The following LRRC7 variants were observed in gnomAD, a reference collection of about 807,000 sequenced individuals.
The protein encoded by LRRC7 is leucine rich repeat containing 7.
Under a neutral mutation model 175.7 loss-of-function variants are expected in LRRC7, and 23 were observed. The ratio of observed to expected loss-of-function variants is 0.13; its 90% CI spans 0.09 to 0.19. The LOEUF is 0.19. Ranked by LOEUF, LRRC7 falls within the 10% of genes least tolerant of loss-of-function variation. The pLI is 1.00. For synonymous variants in LRRC7, 685 were observed against 680.9 expected (o/e 1.01, Z -0.09); for missense variants, 1,354 against 1,904.7 (o/e 0.71, Z 5.38).
chr1:69,840,612 ACT>A (rs1681614675), intron 7 of LRRC7, among the ~76,000 whole-genome samples: 2 of 152,036 alleles, frequency 1.3e-5, no homozygotes, highest in Non-Finnish European at 2.9e-5. Flanking sequence ...ACTGATGGAG[ACT>A]CTTAGATGTA....
At chr1:69,578,509 A>C (rs1360118414) in intron 1 of LRRC7, among the ~76,000 whole-genome samples, 2 of 147,700 alleles carry the variant, frequency 1.4e-5, no homozygotes, top group African/African-American at 5.0e-5. Flanking sequence ...TTATTGCGGC[A>C]CTATTCACAA....
intron 1 of LRRC7, among the ~76,000 whole-genome samples, chr1:69,612,136 T>C (rs897628163): frequency 3.9e-5 from 6 of 152,076 alleles, no homozygotes; most frequent in South Asian, 2.1e-4. Context: ...CATTGACTTA[T>C]ATTGCATTAA....
intron 24 of LRRC7, among the ~76,000 whole-genome samples, chr1:70,083,881 C>A (rs1240244147): frequency 2.6e-5 from 4 of 152,254 alleles, no homozygotes; most frequent in South Asian, 2.1e-4. Flanking sequence ...TCTTAGTTGG[C>A]CGTAACCTCA....
intron 1 of LRRC7, among the ~76,000 whole-genome samples, chr1:69,586,829 T>C (rs1461626788): frequency 6.6e-6 from 1 of 151,726 alleles, no homozygotes; most frequent in African/African-American, 2.4e-5. Flanking sequence ...GTTGATTATT[T>C]AGCATCAAAA....
intron 7 of LRRC7, among the ~76,000 whole-genome samples, chr1:69,928,981 G>A (rs1647183857): frequency 6.6e-6 from 1 of 152,158 alleles, no homozygotes; most frequent in Non-Finnish European, 1.5e-5. Context: ...GTTCTTATTT[G>A]GCTTCCAGGA....
intron 1 of LRRC7, chr1:69,607,257 A>G (rs1647743931): frequency 6.6e-6 from 1 of 152,082 alleles, no homozygotes; most frequent in Non-Finnish European, 1.5e-5. Flanking sequence ...TTTGGAAGGC[A>G]AGTAAAAGTC....
chr1:69,923,185 T>C (rs1646948431), intron 7 of LRRC7, among the ~76,000 whole-genome samples: 1 of 152,208 alleles, frequency 6.6e-6, no homozygotes, highest in South Asian at 2.1e-4. Context: ...CCATGGTGTA[T>C]ATGTGCCACA....
chr1:69,837,589 G>A (rs1485497153), intron 6 of LRRC7, among the ~76,000 whole-genome samples: 2 of 151,666 alleles, frequency 1.3e-5, no homozygotes, highest in Non-Finnish European at 3.0e-5. Context: ...TTGCTTTTTA[G>A]TTTATTTATA....
At chr1:69,629,514 A>C (rs1052969309) in intron 1 of LRRC7, among the ~76,000 whole-genome samples, 38 of 152,258 alleles carry the variant, frequency 2.5e-4, no homozygotes, top group African/African-American at 8.7e-4. Context: ...TGCAACCTGC[A>C]CGTCTCCAAG....
chr1:70,091,589 A>G (rs1389245639), intron 25 of LRRC7, among the ~76,000 whole-genome samples: 1 of 152,158 alleles, frequency 6.6e-6, no homozygotes, highest in Non-Finnish European at 1.5e-5. Context: ...ATACTGTTGC[A>G]TTTCTGCTCT....
At chr1:69,924,422 T>C (rs551528831) in intron 7 of LRRC7, among the ~76,000 whole-genome samples, 2 of 152,352 alleles carry the variant, frequency 1.3e-5, no homozygotes, top group East Asian at 1.9e-4. Context: ...ATATTGATTC[T>C]TCCTACCCAT....
Position 69,649,484 on chromosome 1 carries a change from G to T in LRRC7, c.3-28897G>T, listed in dbSNP as rs1001063705. On this transcript the variant is annotated intron_variant, in intron 1 of 26. Coordinates refer to ENST00000651989, the MANE Select transcript of LRRC7 (RefSeq NM_001370785.2). Reference sequence around the variant, plus strand: ...TAGGCTTCAGATTTTGAAGATTTGTGTATGACATATAAAAGGTAATTAAAT... The same window carrying T: ...TAGGCTTCAGATTTTGAAGATTTGTTTATGACATATAAAAGGTAATTAAAT... Among the ~76,000 whole-genome samples the T allele has an allele frequency of 2.0e-5, 3 of 152,264 alleles. No homozygotes were observed. The South Asian group carries it at 6.2e-4, about 32-fold the overall frequency.
rs781358321 is a variant in LRRC7, at chr1:69,795,912, G to GT, written c.421+3761dup. 8.9e-4 allele frequency among the ~76,000 whole-genome samples: 133 copies of GT among 149,500 alleles called. 1 individual carries two copies. Among genetic ancestry groups the GT allele is most frequent in the South Asian group, 1.5e-3 (7 of 4,696 alleles). Reference sequence around the variant, plus strand: ...ATTTGAGTAAACAGATTTTTTTTGGGTTTTTTTTTGTTTTTTTCTTATTTT... The same window carrying GT: ...ATTTGAGTAAACAGATTTTTTTTGGGTTTTTTTTTTGTTTTTTTCTTATTTT... On this transcript the variant is annotated intron_variant, in intron 4 of 26. Transcript: ENST00000651989.
intron 22 of LRRC7, among the ~76,000 whole-genome samples, chr1:70,045,705 T>C (rs142015675): frequency 4.4e-4 from 67 of 152,300 alleles, no homozygotes; most frequent in African/African-American, 1.4e-3. Context: ...ACTGGGTAAT[T>C]TGTAAAGGAA....
chr1:69,909,658 T>A (rs575113230), intron 7 of LRRC7, among the ~76,000 whole-genome samples: 1 of 152,192 alleles, frequency 6.6e-6, no homozygotes, highest in African/African-American at 2.4e-5. Context: ...TCTGATGGGC[T>A]TCCCTTTGAG....
intron 8 of LRRC7, among the ~76,000 whole-genome samples, chr1:69,958,718 C>T (rs953525903): frequency 4.6e-5 from 7 of 151,814 alleles, no homozygotes; most frequent in Admixed American, 2.0e-4. Flanking sequence ...CTGAAGTGAC[C>T]GCAAAACACA....
In LRRC7 at chr1:69,994,532, G is replaced by A. The variant is rs114167372; in HGVS notation, c.932-29G>A. The A allele has an allele frequency of 1.6e-3, 2,211 of 1,411,636 alleles. 23 individuals carry two copies. The African/African-American group carries it at 0.021, about 14-fold the overall frequency. 87.4% of individuals were successfully genotyped at this position (1,411,636 alleles called of 1,614,324 possible). A position where few individuals can be genotyped will look rare whatever the true frequency, so the allele number is the denominator to read the frequency against. Reference sequence around the variant, plus strand: ...ATTTCCTGTCATAATCTGCTCTTATGTATTAATCAACCTTCTTCTCTGCTT... The same window carrying A: ...ATTTCCTGTCATAATCTGCTCTTATATATTAATCAACCTTCTTCTCTGCTT... On this transcript the variant is annotated intron_variant, in intron 10 of 26. Transcript: ENST00000651989.
intron 4 of LRRC7, 140 bp from the exon 5 acceptor site, chr1:69,825,608 T>C: frequency 2.5e-6 from 1 of 400,720 alleles, no homozygotes; most frequent in Non-Finnish European, 4.5e-6. Context: ...AAGTTTTTAT[T>C]TCTACTTAAA....
chr1:69,696,557 G>A (rs1662611347), intron 2 of LRRC7, among the ~76,000 whole-genome samples: 1 of 152,120 alleles, frequency 6.6e-6, no homozygotes, highest in African/African-American at 2.4e-5. Context: ...GAGATGATGT[G>A]GAGGGACAGG....
Sources: gnomAD v4.1 joint callset for allele counts (sites outside exome capture counted in the v4.1 genomes callset) on GRCh38, gnomAD v4.1.1 for gene constraint, MANE v1.5 for transcripts, NCBI Gene and HGNC (gene_info 2026-07-23, HGNC 2026-07-21) for gene names.